SLC25A17: variants seen among roughly 807,000 people sequenced by gnomAD.
SLC25A17 encodes solute carrier family 25 member 17, also known as peroxisomal membrane protein PMP34.
SLC25A17 carries 26 observed loss-of-function variants against 38.5 expected under a neutral mutation model. The ratio of observed to expected loss-of-function variants is 0.68; its 90% CI spans 0.50 to 0.94. SLC25A17 has a LOEUF of 0.94. Among genes scored for constraint, SLC25A17 ranks in the 40% least tolerant of loss-of-function variants. The pLI is 0.00. For synonymous variants in SLC25A17, 139 were observed against 136.2 expected, an observed-to-expected ratio of 1.02 and a Z score of -0.14; for missense variants, 333 against 372.7, an observed-to-expected ratio of 0.89 and a Z score of 0.88.
chr22:40,777,022 G>A lies in SLC25A17; in HGVS notation c.693+18C>T. On this transcript the variant is annotated intron_variant, in intron 7 of 8. Coordinates refer to ENST00000435456, the MANE Select transcript of SLC25A17 (RefSeq NM_006358.4). ...CGAATGCTGTTTGACTAAATGCGAA[G>A]AGAACTCCAGCACTCACCCTCAGAA... 1.9e-6 allele frequency: 3 copies of A among 1,606,002 alleles called. No homozygotes were observed. The South Asian group carries it at 3.3e-5, about 18-fold the overall frequency.
At chr22:40,816,459 G>A (rs2057640423) in intron 1 of SLC25A17, among the ~76,000 whole-genome samples, 1 of 152,104 alleles carries the variant, frequency 6.6e-6, no homozygotes, top group Admixed American at 6.5e-5. Context: ...CCATGGCAAT[G>A]TTGGGTAGCT....
Position 40,819,263 on chromosome 22 carries a change from G to C in SLC25A17, c.-15C>G. On this transcript the variant is annotated 5_prime_UTR_variant, in exon 1 of 9. Transcript: ENST00000435456. ...ACGGAAGCCATTGGTGCGGCTCCTC[G>C]AAGACCCAGCCACACTTTTCCCACA... is the stretch of plus-strand genomic sequence containing the variant. 6.2e-7 allele frequency: 1 copy of C among 1,613,488 alleles called. No individual in the cohort carries two copies. The highest frequency in any genetic ancestry group is 8.5e-7 in the Non-Finnish European group (1 of 1,179,842).
rs74278100 is a variant in SLC25A17, at chr22:40,776,021, C to G, written c.693+1019G>C. 2.0e-5 allele frequency among the ~76,000 whole-genome samples: 3 copies of G among 152,346 alleles called. No individual in the cohort carries two copies. The East Asian group carries it at 5.8e-4, about 29-fold the overall frequency. On this transcript the variant is annotated intron_variant, in intron 7 of 8. Coordinates refer to ENST00000435456, the MANE Select transcript of SLC25A17 (RefSeq NM_006358.4). The stretch of plus-strand genomic sequence containing the variant: ...GAATGCACTTTCGTCCACTCTGCCC[C>G]ACTAGGGCCTTACCCTCCTTTGCAT...
chr22:40,791,272 TTTA>T (rs1398895142), intron 4 of SLC25A17, among the ~76,000 whole-genome samples: 1 of 152,114 alleles, frequency 6.6e-6, no homozygotes, highest in Non-Finnish European at 1.5e-5. Context: ...TCCTGAGTTA[TTTA>T]TCCAAAATTC....
In SLC25A17 at chr22:40,789,455, C is replaced by T. The variant is rs55833252; in HGVS notation, c.334+3070G>A. Among the ~76,000 whole-genome samples, 98 of 152,250 alleles carry T rather than the reference C, an allele frequency of 6.4e-4. No homozygotes were observed. The highest frequency in any genetic ancestry group is 1.0e-3 in the Admixed American group (16 of 15,300). On this transcript the variant is annotated intron_variant, in intron 4 of 8. Coordinates refer to ENST00000435456, the MANE Select transcript of SLC25A17 (RefSeq NM_006358.4). The surrounding 1 kb of genome is among the most constrained non-coding windows in gnomAD (Gnocchi z 4.5). Reference sequence around the variant, plus strand: ...GCGACTCAGGAGCTGGGTCTCCCAACCATTTTCATTTTCTTTCTTTCCTTC... The same window carrying T: ...GCGACTCAGGAGCTGGGTCTCCCAATCATTTTCATTTTCTTTCTTTCCTTC...
At chr22:40,778,173 T>C (rs886817913) in intron 5 of SLC25A17, among the ~76,000 whole-genome samples, 1 of 152,264 alleles carries the variant, frequency 6.6e-6, no homozygotes. Context: ...GATACCAATC[T>C]GGTGTCTATC....
intron 5 of SLC25A17, among the ~76,000 whole-genome samples, chr22:40,777,824 TG>T (rs2145650251): frequency 6.6e-6 from 1 of 152,150 alleles, no homozygotes; most frequent in East Asian, 1.9e-4. Flanking sequence ...AATGATAGTT[TG>T]GGGTCAAGTT....
chr22:40,777,756 T>C (rs1052934625), intron 5 of SLC25A17, among the ~76,000 whole-genome samples: 4 of 143,648 alleles, frequency 2.8e-5, no homozygotes, highest in African/African-American at 1.0e-4. Context: ...CACTCCAGCC[T>C]GGGTGACAGA....
intron 1 of SLC25A17, among the ~76,000 whole-genome samples, chr22:40,805,574 G>T (rs2057522804): frequency 6.6e-6 from 1 of 152,064 alleles, no homozygotes. Flanking sequence ...GGAAGAAGAA[G>T]AATTGTCTTG....
chr22:40,772,253 T>A (rs898326704), intron 8 of SLC25A17, among the ~76,000 whole-genome samples: 9 of 152,226 alleles, frequency 5.9e-5, no homozygotes, highest in Non-Finnish European at 1.3e-4. Flanking sequence ...TCCCTCCCAA[T>A]ACTTGATATA....
chr22:40,783,913 CCAGGTTGGT>C (rs2057315080), intron 4 of SLC25A17, among the ~76,000 whole-genome samples: 1 of 152,104 alleles, frequency 6.6e-6, no homozygotes, highest in Non-Finnish European at 1.5e-5. Context: ...GCCATGTTGG[CCAGGTTGGT>C]CTCAAACTCC....
intron 7 of SLC25A17, among the ~76,000 whole-genome samples, chr22:40,775,909 C>T (rs1169878144): frequency 6.6e-6 from 1 of 152,192 alleles, no homozygotes; most frequent in Non-Finnish European, 1.5e-5. Context: ...AATTAAACCT[C>T]TTTCCTTTAT....
Position 40,789,580 on chromosome 22 carries a change from C to G in SLC25A17, c.334+2945G>C, listed in dbSNP as rs1771717454. On this transcript the variant is annotated intron_variant, in intron 4 of 8. Transcript: ENST00000435456. The surrounding 1 kb of genome is among the most constrained non-coding windows in gnomAD (Gnocchi z 4.5). ...GGAGTGCAGTGGCATGATCTTGGCT[C>G]ACTGCAACCTCTGCCTGCCAGGTTC... 6.6e-6 allele frequency among the ~76,000 whole-genome samples: 1 copy of G among 151,594 alleles called. No individual in the cohort carries two copies. The highest frequency in any genetic ancestry group is 2.1e-4 in the South Asian group (1 of 4,778).
chr22:40,780,173 T>C (rs1235883331), intron 4 of SLC25A17: 5 of 152,200 alleles, frequency 3.3e-5, no homozygotes, highest in Non-Finnish European at 7.3e-5. Flanking sequence ...ATATAGGAAA[T>C]ACAGTCTAAC....
intron 1 of SLC25A17, among the ~76,000 whole-genome samples, chr22:40,817,892 G>A (rs2057658687): frequency 6.6e-6 from 1 of 152,212 alleles, no homozygotes. Flanking sequence ...AGTCACGCAA[G>A]CGTCCATCTC....
intron 4 of SLC25A17, among the ~76,000 whole-genome samples, chr22:40,788,009 G>C (rs1197853282): frequency 6.6e-6 from 1 of 152,060 alleles, no homozygotes; most frequent in Non-Finnish European, 1.5e-5. Flanking sequence ...TCCCACCTTG[G>C]CCTCCCAAAG....
chr22:40,806,435 C>T (rs1398137055), intron 1 of SLC25A17, among the ~76,000 whole-genome samples: 1 of 152,078 alleles, frequency 6.6e-6, no homozygotes, highest in Non-Finnish European at 1.5e-5. Flanking sequence ...TAACAAATAT[C>T]CTTTAAATGC....
chr22:40,819,181 AG>A lies in SLC25A17; in HGVS notation c.54+13del. On this transcript the variant is annotated intron_variant, in intron 1 of 8. Transcript: ENST00000435456. ...ATAACCCGTTGCGGCCCGGGCGTAAAGACCCCGTCTCACCACGGCTCCGGCC... is the reference window on the plus strand; with the variant it reads ...ATAACCCGTTGCGGCCCGGGCGTAAAACCCCGTCTCACCACGGCTCCGGCC... 1 of 1,613,360 alleles carries A rather than the reference AG, an allele frequency of 6.2e-7. No individual in the cohort carries two copies. Among genetic ancestry groups the A allele is most frequent in the South Asian group, 1.1e-5 (1 of 91,074 alleles).
intron 1 of SLC25A17, among the ~76,000 whole-genome samples, chr22:40,804,987 G>GGAAA (rs58201023): frequency 0.032 from 4,833 of 151,568 alleles, 214 homozygotes; most frequent in African/African-American, 0.1. Context: ...AGAGAAGGAA[G>GGAAA]GAAAGAAAGA....
Sources: gnomAD v4.1 joint callset for allele counts (sites outside exome capture counted in the v4.1 genomes callset) on GRCh38, gnomAD v4.1.1 for gene constraint, Gnocchi (gnomAD v3.1) non-coding constraint, MANE v1.5 for transcripts, NCBI Gene and HGNC (gene_info 2026-07-23, HGNC 2026-07-21) for gene names.